Variants in RERE observed in about 807,000 individuals in gnomAD.
RERE encodes the protein arginine-glutamic acid dipeptide repeats.
Under a neutral mutation model 146.1 loss-of-function variants are expected in RERE, and 40 were observed. The observed-to-expected ratio is 0.27, with a 90% CI of 0.21 to 0.36. The LOEUF (loss-of-function observed/expected upper bound fraction) is 0.36. Among genes scored for constraint, RERE ranks in the 10% least tolerant of loss-of-function variants. RERE has a pLI of 1.00. For synonymous variants in RERE, 1,003 were observed against 866.0 expected (o/e 1.16, Z -2.78); for missense variants, 1,933 against 2,138.7 (o/e 0.90, Z 1.90).
At position 8,669,024 on chromosome 1, in the gene RERE, C is replaced by CTGTGTGTGTGTGTG. The variant is rs59647434; in HGVS notation, c.-144-12597_-144-12584dup. 2.4e-3 allele frequency among the ~76,000 whole-genome samples: 103 copies of CTGTGTGTGTGTGTG among 43,824 alleles called. 1 individual carries two copies. The highest frequency in any genetic ancestry group is 3.1e-3 in the African/African-American group (35 of 11,238). The allele number at this position is 43,824 out of a possible 152,430, so 28.8% of individuals were successfully genotyped here. A position where few individuals can be genotyped will look rare whatever the true frequency, so the allele number is the denominator to read the frequency against. On this transcript the variant is annotated intron_variant, in intron 1 of 22. Transcript: ENST00000400908. ...TGAATATTCTAAAATGCACTCAACT[C>CTGTGTGTGTGTGTG]TGTGTGTGTGTGTGTGTGTGTGTGT...
At chr1:8,382,839 C>T (rs1368947501) in intron 12 of RERE, among the ~76,000 whole-genome samples, 3 of 152,056 alleles carry the variant, frequency 2.0e-5, no homozygotes, top group African/African-American at 7.2e-5. Context: ...GGCTGCCTCG[C>T]CACGAGCTCC....
At chr1:8,766,097 T>C (rs535628037) in intron 1 of RERE, among the ~76,000 whole-genome samples, 13 of 151,358 alleles carry the variant, frequency 8.6e-5, no homozygotes, top group Middle Eastern at 3.5e-3. Flanking sequence ...TGGGCAACAA[T>C]GAAACTGCAT....
chr1:8,495,138 C>T lies in RERE; in HGVS notation c.1029G>A (p.Met343Ile). 2 of 1,613,896 alleles carry T rather than the reference C, an allele frequency of 1.2e-6. No individual in the cohort carries two copies. Among genetic ancestry groups the T allele is most frequent in the Non-Finnish European group, 1.7e-6 (2 of 1,179,820 alleles). The change falls in exon 10 of 23, where the codon ATG becomes ATA. Residue 343 changes from methionine (M) to isoleucine (I), a missense_variant. Physicochemically the swap from Met to Ile is conservative, Grantham distance 10. Coordinates refer to ENST00000400908, the MANE Select transcript of RERE (RefSeq NM_001042681.2). ...CGTCCTCTGTAGAGCCTCCATCACA[C>T]ATTCCTGCAAATGCCGCCATGCTCC... is the stretch of plus-strand genomic sequence containing the variant. ...AARSMAAFAGMCDGGSTEDGC... is the reference protein window; with the variant it reads ...AARSMAAFAGICDGGSTEDGC...
At chr1:8,475,058 G>A (rs1022454275) in intron 10 of RERE, among the ~76,000 whole-genome samples, 3 of 152,146 alleles carry the variant, frequency 2.0e-5, no homozygotes, top group Admixed American at 1.3e-4. Flanking sequence ...AGACCTTGCC[G>A]AAATATGTTC....
At chr1:8,638,597 AC>A (rs1647131454) in intron 2 of RERE, among the ~76,000 whole-genome samples, 1 of 152,148 alleles carries the variant, frequency 6.6e-6, no homozygotes, top group South Asian at 2.1e-4. Context: ...ACATCACAAA[AC>A]TGCGAATAGC....
At chr1:8,530,641 G>GC (rs1217294094) in intron 7 of RERE, among the ~76,000 whole-genome samples, 1 of 149,230 alleles carries the variant, frequency 6.7e-6, no homozygotes, top group Non-Finnish European at 1.5e-5. Flanking sequence ...TTTACTAATT[G>GC]CCCCGCATAT....
chr1:8,558,926 G>A (rs780247124), intron 4 of RERE, among the ~76,000 whole-genome samples: 2 of 150,592 alleles, frequency 1.3e-5, no homozygotes, highest in African/African-American at 4.9e-5. Flanking sequence ...CTCCCAAGTA[G>A]CTGGGATTAT....
At position 8,600,044 on chromosome 1, in the gene RERE, G is replaced by A. The variant is rs976700368; in HGVS notation, c.522+14517C>T. ...TGGGTGGAGATAAATGGATCACGGC[G>A]GCGGTTTCCCTCACACTGTTCTCAT... On this transcript the variant is annotated intron_variant, in intron 4 of 22. Coordinates refer to ENST00000400908, the MANE Select transcript of RERE (RefSeq NM_001042681.2). 6.6e-5 allele frequency among the ~76,000 whole-genome samples: 10 copies of A among 152,166 alleles called. 1 individual carries two copies. The highest frequency in any genetic ancestry group is 1.3e-4 in the Admixed American group (2 of 15,274).
chr1:8,538,490 T>A (rs1209259021), intron 7 of RERE, among the ~76,000 whole-genome samples: 2 of 152,206 alleles, frequency 1.3e-5, no homozygotes, highest in African/African-American at 4.8e-5. Flanking sequence ...TTGGATCATT[T>A]GAGCAGCTGT....
At chr1:8,596,782 G>C (rs750765614) in intron 4 of RERE, among the ~76,000 whole-genome samples, 1 of 151,734 alleles carries the variant, frequency 6.6e-6, no homozygotes, top group Admixed American at 6.6e-5. Flanking sequence ...AAAGTGCTGG[G>C]ATTATAGGTG....
intron 12 of RERE, among the ~76,000 whole-genome samples, chr1:8,366,416 T>C (rs1641805630): frequency 6.6e-6 from 1 of 152,160 alleles, no homozygotes; most frequent in African/African-American, 2.4e-5. Flanking sequence ...GCCAGTGAAA[T>C]CACACAGGTG....
intron 1 of RERE, among the ~76,000 whole-genome samples, chr1:8,776,765 C>T (rs556905017): frequency 1.3e-5 from 2 of 152,248 alleles, no homozygotes; most frequent in East Asian, 3.9e-4. Context: ...GTCACCCAGG[C>T]TGGAGTGCAG....
intron 12 of RERE, among the ~76,000 whole-genome samples, chr1:8,386,004 ATATATATATATATATATATT>A (rs1642647864): frequency 2.8e-5 from 1 of 35,224 alleles, no homozygotes; most frequent in African/African-American, 1.2e-4. Context: ...ATATATATAT[ATATATATATATATATATATT>A]TTTTTTTTTT....
At chr1:8,728,144 A>G (rs1640009471) in intron 1 of RERE, among the ~76,000 whole-genome samples, 1 of 152,220 alleles carries the variant, frequency 6.6e-6, no homozygotes, top group Admixed American at 6.5e-5. Flanking sequence ...TAATGCACTA[A>G]TGAGAAGCCA....
chr1:8,733,023 G>T (rs898331714), intron 1 of RERE, among the ~76,000 whole-genome samples: 1 of 151,592 alleles, frequency 6.6e-6, no homozygotes. Context: ...GGGTTTCACC[G>T]TGTTAGCCAG....
intron 1 of RERE, among the ~76,000 whole-genome samples, chr1:8,703,578 G>A (rs1247090897): frequency 6.6e-6 from 1 of 152,154 alleles, no homozygotes; most frequent in African/African-American, 2.4e-5. Context: ...GCCTCCACCC[G>A]CTCCAATCCT....
chr1:8,653,555 C>G (rs920545043), intron 2 of RERE, among the ~76,000 whole-genome samples: 1 of 151,942 alleles, frequency 6.6e-6, no homozygotes, highest in Non-Finnish European at 1.5e-5. Context: ...ATTAGCTGGG[C>G]GCAGTGGTGG....
chr1:8,742,012 G>C (rs2124503877), intron 1 of RERE, among the ~76,000 whole-genome samples: 1 of 152,266 alleles, frequency 6.6e-6, no homozygotes, highest in African/African-American at 2.4e-5. Context: ...GAATTTATAT[G>C]ATTTCAGTAT....
intron 7 of RERE, among the ~76,000 whole-genome samples, chr1:8,540,830 ATTAC>A (rs1645791767): frequency 6.6e-6 from 1 of 152,172 alleles, no homozygotes; most frequent in South Asian, 2.1e-4. Flanking sequence ...ACTTTCCAAA[ATTAC>A]TTAGTCTTTT....
Sources: gnomAD v4.1 joint callset for allele counts (sites outside exome capture counted in the v4.1 genomes callset) on GRCh38, gnomAD v4.1.1 for gene constraint, MANE v1.5 for transcripts, NCBI Gene and HGNC (gene_info 2026-07-23, HGNC 2026-07-21) for gene names.